Variants in NWD1 observed in about 807,000 individuals in gnomAD.
The protein encoded by NWD1 is NACHT and WD repeat domain containing 1.
Under a neutral mutation model 135.1 loss-of-function variants are expected in NWD1, and 129 were observed. That is an observed-to-expected ratio of 0.96 (90% CI 0.83 to 1.11). The LOEUF is 1.11. Ranked by LOEUF, NWD1 falls within the 50% of genes least tolerant of loss-of-function variation. NWD1 has a pLI of 0.00. For synonymous variants in NWD1, 773 were observed against 786.0 expected (o/e 0.98, Z 0.28); for missense variants, 1,740 against 1,851.3 (o/e 0.94, Z 1.10).
chr19:16,722,071 T>A (rs1967155978), intron 1 of NWD1, among the ~76,000 whole-genome samples: 1 of 151,674 alleles, frequency 6.6e-6, no homozygotes, highest in South Asian at 2.1e-4. Flanking sequence ...TATGATCATG[T>A]CACTGCACTC....
At chr19:16,745,523 G>A (rs1030103631) in intron 5 of NWD1, among the ~76,000 whole-genome samples, 1 of 150,210 alleles carries the variant, frequency 6.7e-6, no homozygotes, top group Non-Finnish European at 1.5e-5. Flanking sequence ...GAGTTCAGGA[G>A]TTCGAGACCA....
chr19:16,800,798 T>C (rs569951696), intron 17 of NWD1, among the ~76,000 whole-genome samples: 3 of 152,238 alleles, frequency 2.0e-5, no homozygotes, highest in African/African-American at 7.2e-5. Flanking sequence ...TCCCTGTCAC[T>C]CTGCTACAGT....
At chr19:16,776,502 A>C (rs1222744423) in intron 11 of NWD1, among the ~76,000 whole-genome samples, 1 of 151,462 alleles carries the variant, frequency 6.6e-6, no homozygotes, top group Non-Finnish European at 1.5e-5. Context: ...TGGAAGGCGG[A>C]GGTTGCAGTG....
intron 10 of NWD1, among the ~76,000 whole-genome samples, chr19:16,765,707 C>G (rs1253519496): frequency 2.0e-5 from 3 of 152,044 alleles, no homozygotes; most frequent in Non-Finnish European, 4.4e-5. Flanking sequence ...TCCTGTTGCC[C>G]TGGACTTTTC....
chr19:16,767,785 C>T (rs1443445342), intron 10 of NWD1, among the ~76,000 whole-genome samples: 3 of 151,974 alleles, frequency 2.0e-5, no homozygotes, highest in African/African-American at 7.3e-5. Context: ...AGAGCCAACC[C>T]ATATCTCTCC....
chr19:16,724,697 A>G (rs2122663415), intron 2 of NWD1, among the ~76,000 whole-genome samples: 1 of 152,224 alleles, frequency 6.6e-6, no homozygotes, highest in South Asian at 2.1e-4. Flanking sequence ...TCTACAAAAA[A>G]AATATTTTTT....
chr19:16,802,206 C>T (rs1034235613), intron 17 of NWD1, among the ~76,000 whole-genome samples: 26 of 151,438 alleles, frequency 1.7e-4, no homozygotes, highest in Admixed American at 8.6e-4. Context: ...CGCTTGAGCC[C>T]GGCAGGCAGA....
intron 10 of NWD1, among the ~76,000 whole-genome samples, chr19:16,766,016 C>CAAAA (rs35265751): frequency 5.6e-4 from 51 of 90,990 alleles, no homozygotes; most frequent in South Asian, 1.1e-3. Flanking sequence ...GACTCCGTCT[C>CAAAA]AAAAAAAAAA....
At chr19:16,770,180 A>G (rs1486203502) in intron 10 of NWD1, among the ~76,000 whole-genome samples, 1 of 152,132 alleles carries the variant, frequency 6.6e-6, no homozygotes, top group Non-Finnish European at 1.5e-5. Context: ...CTTGAATTGT[A>G]TTTCCCATAA....
chr19:16,771,028 G>A (rs1012862134), intron 10 of NWD1, among the ~76,000 whole-genome samples: 5 of 152,266 alleles, frequency 3.3e-5, no homozygotes, highest in Middle Eastern at 6.8e-3. Context: ...GGCCGAGTGC[G>A]GGGGTTCACG....
rs112298174 is a variant in NWD1, at chr19:16,789,023, G to A, written c.2773G>A (p.Ala925Thr). Residue 925 changes from alanine (A) to threonine (T), a missense_variant, in exon 13 of 19, where the codon GCC becomes ACC. Ala to Thr is a moderately conservative substitution (Grantham distance 58). Transcript: ENST00000524140. ...CVKIFAKGTL[A>T]NSASKDYTLH... ...GAAAATATTTGCCAAAGGGACCCTC[G>A]CCAACTCTGCTTCAAAGGATTACAC... The A allele has an allele frequency of 7.5e-4, 1,202 of 1,612,434 alleles. 2 individuals carry two copies. In the African/African-American group the frequency reaches 0.012, roughly 16 times the overall value.
intron 1 of NWD1, chr19:16,721,673 G>C (rs10854153): frequency 1 from 151,101 of 151,416 alleles, 75,403 homozygotes; most frequent in African/African-American, 1. Context: ...GGCGGGGTCC[G>C]TGGAGGAGAG....
intron 17 of NWD1, among the ~76,000 whole-genome samples, chr19:16,807,362 A>G (rs1175500153): frequency 6.6e-6 from 1 of 151,918 alleles, no homozygotes; most frequent in South Asian, 2.1e-4. Context: ...GCGTGGTGGC[A>G]CACACTTGTA....
intron 7 of NWD1, among the ~76,000 whole-genome samples, chr19:16,760,376 A>G (rs1213477312): frequency 6.6e-6 from 1 of 150,794 alleles, no homozygotes; most frequent in Non-Finnish European, 1.5e-5. Flanking sequence ...CTCCCACCTC[A>G]GCCTCCGGAG....
Position 16,807,871 on chromosome 19 carries a change from A to G in NWD1, c.4022A>G (p.Tyr1341Cys), listed in dbSNP as rs1369095916. 7 of 1,614,022 alleles carry G rather than the reference A, an allele frequency of 4.3e-6. No homozygotes were observed. Among genetic ancestry groups the G allele is most frequent in the African/African-American group, 1.3e-5 (1 of 74,908 alleles). The change falls in exon 18 of 19, where the codon TAC (tyrosine) becomes TGC (cysteine). Residue 1341 changes from tyrosine (Y) to cysteine (C), a missense_variant. Tyr to Cys is a radical substitution (Grantham distance 194, BLOSUM62 -2). Transcript: ENST00000524140. ...DPCPVIDGPRYTFYTQLPETL... is the reference protein window; with the variant it reads ...DPCPVIDGPRCTFYTQLPETL... ...TGCCCGGTCATCGATGGGCCAAGAT[A>G]CACCTTTTACACTCAGCTGCCCGAG...
chr19:16,797,948 T>C (rs1333044868), intron 16 of NWD1, 62 bp downstream of exon 16: 17 of 1,502,196 alleles, frequency 1.1e-5, no homozygotes, highest in East Asian at 2.3e-5. Flanking sequence ...ACTGATTCTT[T>C]AGGGATTTTT....
chr19:16,815,631 A>T lies in NWD1; in HGVS notation c.*592A>T. 3.0e-6 allele frequency: 1 copy of T among 329,694 alleles called. No homozygotes were observed. The highest frequency in any genetic ancestry group is 5.6e-6 in the Non-Finnish European group (1 of 178,354). The allele number at this position is 329,694 out of a possible 1,614,324, so 20.4% of individuals were successfully genotyped here. The stretch of plus-strand genomic sequence containing the variant: ...CCTAGCCTCAACTCTACTGGTCCCA[A>T]TTGGCCCATACGCCTAGCCCTAAAC... On this transcript the variant is annotated 3_prime_UTR_variant, in exon 19 of 19. Coordinates refer to ENST00000524140, the MANE Select transcript of NWD1 (RefSeq NM_001007525.5).
chr19:16,758,975 AC>A (rs1264582654), intron 6 of NWD1, among the ~76,000 whole-genome samples: 3 of 140,890 alleles, frequency 2.1e-5, no homozygotes, highest in Middle Eastern at 7.8e-3. Flanking sequence ...CTGCACTCCA[AC>A]CTGGGCGACA....
At chr19:16,763,415 G>A (rs552668204) in intron 8 of NWD1, among the ~76,000 whole-genome samples, 67 of 152,054 alleles carry the variant, frequency 4.4e-4, no homozygotes, top group African/African-American at 1.5e-3. Flanking sequence ...TTTCCCACCC[G>A]CATCCCCTAA....
Sources: allele counts gnomAD v4.1 joint callset (sites outside exome capture counted in the v4.1 genomes callset), GRCh38; gene constraint gnomAD v4.1.1; transcripts MANE v1.5; gene names NCBI Gene and HGNC (gene_info 2026-07-23, HGNC 2026-07-21).